The following ATP8A1 variants were observed in gnomAD, a reference collection of about 807,000 sequenced individuals.
The protein encoded by ATP8A1 is ATPase phospholipid transporting 8A1, also known as phospholipid-transporting ATPase IA.
In ATP8A1, 90 loss-of-function variants were observed where a neutral mutation model predicts 177.7. That is an observed-to-expected ratio of 0.51 (90% CI 0.43 to 0.60). The LOEUF (loss-of-function observed/expected upper bound fraction) is 0.60. ATP8A1 is among the 20% of genes least tolerant of loss of function. The pLI is 0.00. For missense variants in ATP8A1, 1,072 were observed against 1,392.8 expected, an observed-to-expected ratio of 0.77 and a Z score of 3.67; for synonymous variants, 493 against 485.9, an observed-to-expected ratio of 1.01 and a Z score of -0.19.
intron 19 of ATP8A1, 47 bp downstream of exon 19, chr4:42,548,966 G>T (rs1279700015): frequency 1.4e-6 from 2 of 1,407,530 alleles, no homozygotes; most frequent in Non-Finnish European, 2.0e-6. Context: ...AATAAAAATG[G>T]ATATAAATTT....
At chr4:42,548,459 A>G (rs1729153109) in intron 19 of ATP8A1, among the ~76,000 whole-genome samples, 1 of 152,198 alleles carries the variant, frequency 6.6e-6, no homozygotes, top group Admixed American at 6.5e-5. Context: ...GGTATATGTG[A>G]TATTTTGTTA....
chr4:42,644,031 A>G (rs1740274913), intron 1 of ATP8A1, among the ~76,000 whole-genome samples: 1 of 152,238 alleles, frequency 6.6e-6, no homozygotes, highest in African/African-American at 2.4e-5. Context: ...CAGACCAAAA[A>G]CACATGAAAC....
rs983800796 is a variant in ATP8A1 at position 42,449,826 on chromosome 4, C to A, written c.2896+2155G>T. Reference sequence around the variant, plus strand: ...GACGTAATGATGGATCTAGGAACTGCTTCTCTGGAAGATGAAGTCACTTGG... The same window carrying A: ...GACGTAATGATGGATCTAGGAACTGATTCTCTGGAAGATGAAGTCACTTGG... On this transcript the variant is annotated intron_variant, in intron 30 of 36. Coordinates refer to ENST00000381668, the MANE Select transcript of ATP8A1 (RefSeq NM_006095.2). Among the ~76,000 whole-genome samples, 3 of 152,302 alleles carry A rather than the reference C, an allele frequency of 2.0e-5. No individual in the cohort carries two copies. In the East Asian group the frequency reaches 5.8e-4, roughly 29 times the overall value.
At chr4:42,609,154 C>T (rs1446345426) in intron 5 of ATP8A1, among the ~76,000 whole-genome samples, 1 of 152,120 alleles carries the variant, frequency 6.6e-6, no homozygotes, top group African/African-American at 2.4e-5. Context: ...CTCATTTATA[C>T]AACCTTTAAA....
intron 5 of ATP8A1, among the ~76,000 whole-genome samples, chr4:42,613,425 G>T (rs1736571586): frequency 6.6e-6 from 1 of 152,066 alleles, no homozygotes. Context: ...ATAAACTGGT[G>T]CAGTATTTGC....
intron 33 of ATP8A1, among the ~76,000 whole-genome samples, chr4:42,433,659 A>AACAC (rs895754087): frequency 6.6e-6 from 1 of 151,622 alleles, no homozygotes; most frequent in South Asian, 2.1e-4. Flanking sequence ...CAAACAAACA[A>AACAC]ACACAAATCT....
At chr4:42,493,751 G>A (rs1722961752) in intron 24 of ATP8A1, among the ~76,000 whole-genome samples, 1 of 152,120 alleles carries the variant, frequency 6.6e-6, no homozygotes, top group South Asian at 2.1e-4. Context: ...TCATTCATAA[G>A]ATTGGGTTAC....
intron 9 of ATP8A1, 81 bp downstream of exon 9, chr4:42,586,268 T>TA (rs1733604123): frequency 6.7e-7 from 1 of 1,499,206 alleles, no homozygotes; most frequent in Non-Finnish European, 9.1e-7. Context: ...AAGAAGATAA[T>TA]ATGTATCCAG....
chr4:42,508,506 T>A (rs1490991201), intron 22 of ATP8A1, among the ~76,000 whole-genome samples: 1 of 152,224 alleles, frequency 6.6e-6, no homozygotes, highest in East Asian at 1.9e-4. Context: ...GAGAGAACAA[T>A]CTCTTGGCTG....
intron 35 of ATP8A1, among the ~76,000 whole-genome samples, chr4:42,416,229 G>A (rs1713224759): frequency 6.6e-6 from 1 of 152,178 alleles, no homozygotes. Flanking sequence ...TTAGCAGCAG[G>A]TGGTCTGACT....
At chr4:42,492,409 C>T (rs1000421599) in intron 24 of ATP8A1, among the ~76,000 whole-genome samples, 3 of 152,120 alleles carry the variant, frequency 2.0e-5, no homozygotes, top group Non-Finnish European at 2.9e-5. Context: ...ATGTTGAAAT[C>T]CTAACTCCTA....
At chr4:42,555,140 A>T (rs74660261) in intron 16 of ATP8A1, among the ~76,000 whole-genome samples, 1 of 24,454 alleles carries the variant, frequency 4.1e-5, no homozygotes, top group South Asian at 1.1e-3. Context: ...TATCTATCTA[A>T]TCTATCTATC....
At chr4:42,450,262 T>C (rs1717788518) in intron 30 of ATP8A1, among the ~76,000 whole-genome samples, 1 of 152,160 alleles carries the variant, frequency 6.6e-6, no homozygotes, top group Non-Finnish European at 1.5e-5. Context: ...ATGTCTAGAA[T>C]AGGTAAATCC....
Position 42,472,142 on chromosome 4 carries a change from A to C in ATP8A1, c.2325-7066T>G, listed in dbSNP as rs1284527125. ...AGCCAGCTTGAAAAAGCCATACAAA[A>C]AATAAGCAAAAACATCCTAGGAGCT... On this transcript the variant is annotated intron_variant, in intron 25 of 36. Transcript: ENST00000381668. The C allele has an allele frequency of 2.2e-5, 14 of 643,606 alleles. No individual in the cohort carries two copies. The Admixed American group carries it at 2.6e-4, about 12-fold the overall frequency. 39.9% of individuals were successfully genotyped at this position (643,606 alleles called of 1,614,324 possible).
At chr4:42,612,014 T>G (rs1261761465) in intron 5 of ATP8A1, among the ~76,000 whole-genome samples, 1 of 152,096 alleles carries the variant, frequency 6.6e-6, no homozygotes, top group Non-Finnish European at 1.5e-5. Context: ...GGCAGTGCTT[T>G]GAGTAATGAA....
intron 5 of ATP8A1, among the ~76,000 whole-genome samples, chr4:42,614,070 A>G (rs1462964706): frequency 1.3e-5 from 2 of 149,120 alleles, no homozygotes; most frequent in East Asian, 1.9e-4. Context: ...GCCTATTCTC[A>G]TATTTAGCCA....
intron 24 of ATP8A1, among the ~76,000 whole-genome samples, chr4:42,499,456 A>G (rs774201732): frequency 7.2e-5 from 11 of 152,306 alleles, no homozygotes; most frequent in Non-Finnish European, 1.6e-4. Context: ...AGGAGAGATC[A>G]AGGTTAAGGG....
chr4:42,647,107 T>TTCCACAAGG, intron 1 of ATP8A1, among the ~76,000 whole-genome samples: 1 of 151,914 alleles, frequency 6.6e-6, no homozygotes, highest in East Asian at 1.9e-4. Flanking sequence ...ACCTCTAAAC[T>TTCCACAAGG]GCCAAGTCAA....
At chr4:42,653,327 T>C (rs979654504) in intron 1 of ATP8A1, among the ~76,000 whole-genome samples, 11 of 46,684 alleles carry the variant, frequency 2.4e-4, no homozygotes, top group African/African-American at 8.0e-4. Flanking sequence ...ATAATTAGCA[T>C]ATTTTGTGTG....
Sources: gnomAD v4.1 joint callset for allele counts (sites outside exome capture counted in the v4.1 genomes callset) on GRCh38, gnomAD v4.1.1 for gene constraint, MANE v1.5 for transcripts, NCBI Gene and HGNC (gene_info 2026-07-23, HGNC 2026-07-21) for gene names.